MPO: variants seen among roughly 807,000 people sequenced by gnomAD.
MPO encodes myeloperoxidase.
A neutral mutation model predicts 69.4 loss-of-function variants in MPO; 57 were observed. The observed-to-expected ratio is 0.82, with a 90% CI of 0.66 to 1.02. The LOEUF (loss-of-function observed/expected upper bound fraction) is 1.02, where lower values mean the gene tolerates loss of function less well. Among genes scored for constraint, MPO ranks in the 50% least tolerant of loss-of-function variants. The pLI is 0.00. For missense variants in MPO, 971 were observed against 1,014.1 expected (o/e 0.96, Z 0.58); for synonymous variants, 426 against 417.1 (o/e 1.02, Z -0.26).
Position 58,270,584 on chromosome 17 carries a change from C to G in MPO, c.*72G>C. 7.8e-7 allele frequency: 1 copy of G among 1,285,380 alleles called. No homozygotes were observed. Among genetic ancestry groups the G allele is most frequent in the Non-Finnish European group, 1.1e-6 (1 of 904,844 alleles). The allele number at this position is 1,285,380 out of a possible 1,614,324, so 79.6% of individuals were successfully genotyped here. On this transcript the variant is annotated 3_prime_UTR_variant, in exon 12 of 12. Transcript: ENST00000225275. This position sits in a 1 kb window ranked among gnomAD's most constrained non-coding sequence, Gnocchi z 4.1. ...AGAACAGGGCTGGGCTCATCTAGGG[C>G]AAGGAGATCTCCGTGGTTCCAACTG...
Position 58,278,052 on chromosome 17 carries a change from G to A in MPO, c.979C>T (p.Arg327Cys), listed in dbSNP as rs764155889. ...GAAGTGAGCGCGTTGATCTGGTTGC[G>A]GATGGTGATGTTGCTCCCGGGGCAA... The part of the protein sequence containing the change: ...PACPGSNITI[R>C]NQINALTSFV... Residue 327 changes from arginine to cysteine, a missense_variant, in exon 7 of 12, where the codon CGC becomes TGC. Arg to Cys is a radical substitution (Grantham distance 180). Coordinates refer to ENST00000225275, the MANE Select transcript of MPO (RefSeq NM_000250.2). 6 of 1,613,236 alleles carry A rather than the reference G, an allele frequency of 3.7e-6. No homozygotes were observed. In the Admixed American group the frequency reaches 6.7e-5, roughly 18 times the overall value.
Position 58,275,599 on chromosome 17 carries a change from C to T in MPO, c.1308G>A (p.Arg436=). The stretch of plus-strand genomic sequence containing the variant: ...CCTGGTAGAGCCTCTCCCCATCCCA[C>T]CTAGGGTTCAGGCTCTTGAGCTCTG... The part of the protein sequence containing the change: ...LATELKSLNP[R]WDGERLYQEA... Residue 436 remains arginine, a synonymous_variant, in exon 8 of 12, where the codon AGG becomes AGA. Transcript: ENST00000225275. This position sits in a 1 kb window ranked among gnomAD's most constrained non-coding sequence, Gnocchi z 4.1. 1 of 1,614,164 alleles carries T rather than the reference C, an allele frequency of 6.2e-7. No homozygotes were observed. Among genetic ancestry groups the T allele is most frequent in the South Asian group, 1.1e-5 (1 of 91,082 alleles).
rs200099243 is a variant in MPO at position 58,273,508 on chromosome 17, C to T, written c.1527G>A (p.Met509Ile). The change falls in exon 9 of 12, where the codon ATG becomes ATA. Residue 509 changes from methionine (M) to isoleucine (I), a missense_variant. Coordinates refer to ENST00000225275, the MANE Select transcript of MPO (RefSeq NM_000250.2). The part of the protein sequence containing the change: ...RYGHTLIQPF[M>I]FRLDNRYQPM... ...GCTGGTACCGATTGTCCAGGCGGAA[C>T]ATGAAGGGTTGGATGAGGGTGTGGC... 1.1e-5 allele frequency: 17 copies of T among 1,614,078 alleles called. No individual in the cohort carries two copies. Among genetic ancestry groups the T allele is most frequent in the African/African-American group, 5.3e-5 (4 of 74,910 alleles).
Position 58,272,914 on chromosome 17 carries a change from G to A in MPO, c.1626C>T (p.Gly542=), listed in dbSNP as rs1970385863. ...FASWRVVLEG[G]IDPILRGLMA... The stretch of plus-strand genomic sequence containing the variant: ...TGAGGCCCCGGAGGATGGGGTCAAT[G>A]CCACCTGGGGACCAGAGGAGCCAGG... The change falls in exon 10 of 12, where the codon GGC becomes GGT. Residue 542 remains glycine (G), a synonymous_variant. Coordinates refer to ENST00000225275, the MANE Select transcript of MPO (RefSeq NM_000250.2). 1 of 1,614,036 alleles carries A rather than the reference G, an allele frequency of 6.2e-7. No homozygotes were observed. Among genetic ancestry groups the A allele is most frequent in the Non-Finnish European group, 8.5e-7 (1 of 1,180,022 alleles).
intron 7 of MPO, among the ~76,000 whole-genome samples, chr17:58,276,048 C>G (rs1970433413): frequency 6.6e-6 from 1 of 152,192 alleles, no homozygotes. Context: ...ACCCTCCCTC[C>G]TAGCACACAT....
intron 8 of MPO, among the ~76,000 whole-genome samples, chr17:58,274,594 C>T (rs890714523): frequency 1.3e-5 from 2 of 151,816 alleles, no homozygotes; most frequent in African/African-American, 2.4e-5. Flanking sequence ...TCGAGGAGGG[C>T]GGATTACTTG....
Position 58,277,279 on chromosome 17 carries a change from G to C in MPO, c.1204+548C>G, listed in dbSNP as rs34212101. 4.7e-3 allele frequency among the ~76,000 whole-genome samples: 722 copies of C among 152,278 alleles called. 2 individuals carry two copies. The highest frequency in any genetic ancestry group is 0.011 in the South Asian group (55 of 4,830). ...GCAGTGTGGTCCAACTCAACCTTCC[G>C]AGATGATGAAAATATTTTACATCTG... On this transcript the variant is annotated intron_variant, in intron 7 of 11. Transcript: ENST00000225275.
In MPO at chr17:58,273,487, G is replaced by C. The variant is rs2143969179; in HGVS notation, c.1548C>G (p.Tyr516Ter). The part of the protein sequence containing the change: ...QPFMFRLDNR[Y>*]QPMEPNPRVP... ...CACGGGGGTTGGGTTCCATGGGCTGGTACCGATTGTCCAGGCGGAACATGA... is the reference window on the plus strand; with the variant it reads ...CACGGGGGTTGGGTTCCATGGGCTGCTACCGATTGTCCAGGCGGAACATGA... The change falls in exon 9 of 12, where the codon TAC becomes TAG. Residue 516 changes from tyrosine (Y) to a stop codon, truncating the protein, a stop_gained. Transcript: ENST00000225275. LOFTEE classifies it high-confidence loss of function. 3 of 1,614,220 alleles carry C rather than the reference G, an allele frequency of 1.9e-6. No homozygotes were observed. The highest frequency in any genetic ancestry group is 2.5e-6 in the Non-Finnish European group (3 of 1,180,044).
In MPO at chr17:58,273,510, T is replaced by A. The variant is rs1381469903; in HGVS notation, c.1525A>T (p.Met509Leu). Residue 509 changes from methionine (M) to leucine (L), a missense_variant, in exon 9 of 12, where the codon ATG becomes TTG. Transcript: ENST00000225275. ...RYGHTLIQPF[M>L]FRLDNRYQPM... is the part of the protein sequence containing the mutation. ...TGGTACCGATTGTCCAGGCGGAACA[T>A]GAAGGGTTGGATGAGGGTGTGGCCG... The A allele has an allele frequency of 6.2e-7, 1 of 1,614,012 alleles. No individual in the cohort carries two copies. The highest frequency in any genetic ancestry group is 1.3e-5 in the African/African-American group (1 of 74,984).
rs375733081 is a variant in MPO at position 58,275,513 on chromosome 17, C to T, written c.1365+29G>A. On this transcript the variant is annotated intron_variant, in intron 8 of 11. Coordinates refer to ENST00000225275, the MANE Select transcript of MPO (RefSeq NM_000250.2). This position sits in a 1 kb window ranked among gnomAD's most constrained non-coding sequence, Gnocchi z 4.1. ...GATGTTGCAGGGACACATCTGGATC[C>T]CGTGTGCCCGGTGTTCAAGACGGCC... The T allele has an allele frequency of 5.0e-5, 80 of 1,614,018 alleles. No homozygotes were observed. In the African/African-American group the frequency reaches 9.9e-4, roughly 20 times the overall value.
At position 58,280,660 on chromosome 17, in the gene MPO, T is replaced by C. The variant is rs1217659841; in HGVS notation, c.99A>G (p.Leu33=). ...TGGCCAGAATGGCCAGGAGCCCTGCTAGGGCCAGAAGCAGCTTCATCTCTG... is the reference window on the plus strand; with the variant it reads ...TGGCCAGAATGGCCAGGAGCCCTGCCAGGGCCAGAAGCAGCTTCATCTCTG... ...LTAEMKLLLA[L]AGLLAILATP... is the part of the protein sequence containing the mutation. The change falls in exon 1 of 12, where the codon CTA becomes CTG. Residue 33 remains leucine, a synonymous_variant. Coordinates refer to ENST00000225275, the MANE Select transcript of MPO (RefSeq NM_000250.2). 1 of 1,614,212 alleles carries C rather than the reference T, an allele frequency of 6.2e-7. No homozygotes were observed. The highest frequency in any genetic ancestry group is 2.2e-5 in the East Asian group (1 of 44,880).
intron 7 of MPO, chr17:58,277,624 G>A: frequency 2.8e-6 from 2 of 721,584 alleles, no homozygotes; most frequent in Admixed American, 2.3e-5. Flanking sequence ...CTTAGGGTTG[G>A]AGAGGTTGTT....
intron 10 of MPO, 104 bp downstream of exon 10, chr17:58,272,644 C>T: frequency 7.2e-7 from 1 of 1,387,436 alleles, no homozygotes; most frequent in Non-Finnish European, 9.8e-7. Context: ...CTCTAATATG[C>T]TTTGGAGAGG....
chr17:58,277,828 T>A lies in MPO; in HGVS notation c.1203A>T (p.Ala401=). The part of the protein sequence containing the change: ...NRSARIPCFL[A]GDTRSSEMPE... ...TCTGGTCCCCACCCCAAAGCTGACC[T>A]GCCAGGAAGCAGGGGATGCGCGCTG... is the stretch of plus-strand genomic sequence containing the variant. Residue 401 remains alanine (A), a splice_region_variant and synonymous_variant, in exon 7 of 12, where the codon GCA becomes GCT. Transcript: ENST00000225275. 1 of 1,602,304 alleles carries A rather than the reference T, an allele frequency of 6.2e-7. No homozygotes were observed. Among genetic ancestry groups the A allele is most frequent in the Non-Finnish European group, 8.5e-7 (1 of 1,179,956 alleles).
chr17:58,270,582 G>A lies in MPO; in HGVS notation c.*74C>T. ...CCAGAACAGGGCTGGGCTCATCTAG[G>A]GCAAGGAGATCTCCGTGGTTCCAAC... is the stretch of plus-strand genomic sequence containing the variant. On this transcript the variant is annotated 3_prime_UTR_variant, in exon 12 of 12. Transcript: ENST00000225275. The surrounding 1 kb of genome is among the most constrained non-coding windows in gnomAD (Gnocchi z 4.1). The A allele has an allele frequency of 7.9e-7, 1 of 1,265,498 alleles. No homozygotes were observed. The highest frequency in any genetic ancestry group is 1.1e-6 in the Non-Finnish European group (1 of 886,876). The allele number at this position is 1,265,498 out of a possible 1,614,324, so 78.4% of individuals were successfully genotyped here.
chr17:58,279,578 C>A lies in MPO; in HGVS notation c.493G>T (p.Val165Leu), dbSNP rs1158150586. 1 of 1,614,102 alleles carries A rather than the reference C, an allele frequency of 6.2e-7. No homozygotes were observed. The highest frequency in any genetic ancestry group is 8.5e-7 in the Non-Finnish European group (1 of 1,180,008). The change falls in exon 4 of 12, where the codon GTG becomes TTG. Residue 165 changes from valine to leucine, a missense_variant. By Grantham distance (32) the Val-to-Leu change is conservative. Transcript: ENST00000225275. ...TATTTGTCCTGCTCCGGGCAAGTCA[C>A]CCCCACGTCCTGGTAGGCGCAGCCG... ...SSGCAYQDVG[V>L]TCPEQDKYRT... is the part of the protein sequence containing the mutation.
At position 58,279,889 on chromosome 17, in the gene MPO, A is replaced by T. The variant is rs1178462890; in HGVS notation, c.374T>A (p.Leu125Gln). Residue 125 changes from leucine to glutamine, a missense_variant, in exon 3 of 12, where the codon CTG (leucine) becomes CAG (glutamine). Coordinates refer to ENST00000225275, the MANE Select transcript of MPO (RefSeq NM_000250.2). ...CAGGGACCGCAGCTTCCTCTCCAGC[A>T]GGTCTAGAGCCACGTGCAGGTAGTC... The part of the protein sequence containing the change: ...AADYLHVALD[L>Q]LERKLRSLWR... The T allele has an allele frequency of 6.2e-7, 1 of 1,613,958 alleles. No homozygotes were observed. The highest frequency in any genetic ancestry group is 8.5e-7 in the Non-Finnish European group (1 of 1,180,026).
In MPO at chr17:58,275,292, C is replaced by T. The variant is rs1488924536; in HGVS notation, c.1365+250G>A. ...TAAACCAAACATTCAACCCTCCCAACACCAATAACAGACCCACAGGAAAGA... is the reference window on the plus strand; with the variant it reads ...TAAACCAAACATTCAACCCTCCCAATACCAATAACAGACCCACAGGAAAGA... On this transcript the variant is annotated intron_variant, in intron 8 of 11. Coordinates refer to ENST00000225275, the MANE Select transcript of MPO (RefSeq NM_000250.2). This position sits in a 1 kb window ranked among gnomAD's most constrained non-coding sequence, Gnocchi z 4.1. 1.3e-5 allele frequency among the ~76,000 whole-genome samples: 2 copies of T among 152,198 alleles called. No homozygotes were observed. Among genetic ancestry groups the T allele is most frequent in the Non-Finnish European group, 2.9e-5 (2 of 68,038 alleles).
intron 11 of MPO, 57 bp downstream of exon 11, chr17:58,271,598 A>T (rs1210107790): frequency 6.4e-7 from 1 of 1,555,562 alleles, no homozygotes; most frequent in African/African-American, 1.4e-5. Flanking sequence ...GGGCTCCAAG[A>T]GAGTCAAGGA....
Sources: allele counts gnomAD v4.1 joint callset (sites outside exome capture counted in the v4.1 genomes callset), GRCh38; gene constraint gnomAD v4.1.1; non-coding constraint Gnocchi (gnomAD v3.1); transcripts MANE v1.5; gene names NCBI Gene and HGNC (gene_info 2026-07-23, HGNC 2026-07-21).